NIFK: variants seen among roughly 807,000 people sequenced by gnomAD.
NIFK encodes MKI67 FHA domain-interacting nucleolar phosphoprotein.
Under a neutral mutation model 31.7 loss-of-function variants are expected in NIFK, and 16 were observed. The ratio of observed to expected loss-of-function variants is 0.50; its 90% confidence interval spans 0.34 to 0.77. NIFK has a LOEUF of 0.77. NIFK is among the 30% of genes least tolerant of loss of function. The pLI is 0.01. For synonymous variants in NIFK, 126 were observed against 123.0 expected (o/e 1.02, Z -0.16); for missense variants, 341 against 350.4 (o/e 0.97, Z 0.21).
chr2:121,736,299 T>C (rs2074579688), intron 1 of NIFK, among the ~76,000 whole-genome samples: 1 of 152,252 alleles, frequency 6.6e-6, no homozygotes, highest in Admixed American at 6.5e-5. Flanking sequence ...TCTATTTTAA[T>C]AACTCCCAGA....
At chr2:121,729,589 C>T (rs1012142234) in intron 4 of NIFK, among the ~76,000 whole-genome samples, 9 of 152,122 alleles carry the variant, frequency 5.9e-5, no homozygotes, top group South Asian at 2.1e-4. Flanking sequence ...TTTAGCGATA[C>T]GGTCTTGCTC....
At chr2:121,728,136 T>G in intron 6 of NIFK, 152 bp downstream of exon 6, 1 of 704,130 alleles carries the variant, frequency 1.4e-6, no homozygotes, top group Non-Finnish European at 2.3e-6. Flanking sequence ...TTATAAGGTT[T>G]TAGGCAGAAA....
At chr2:121,732,351 T>C (rs1288812692) in intron 2 of NIFK, 147 bp from the exon 3 acceptor site, 4 of 599,368 alleles carry the variant, frequency 6.7e-6, no homozygotes, top group Non-Finnish European at 1.2e-5. Flanking sequence ...TCAATTCACA[T>C]ATTCCGGGGA....
intron 4 of NIFK, 37 bp from the exon 5 acceptor site, chr2:121,728,573 T>C (rs2074512536): frequency 5.7e-6 from 7 of 1,219,346 alleles, no homozygotes; most frequent in Non-Finnish European, 5.9e-6. Context: ...ACTCATATCT[T>C]TTCTTTCTAA....
chr2:121,727,521 C>T lies in NIFK; in HGVS notation c.*203G>A. The T allele has an allele frequency of 1.4e-6, 1 of 704,854 alleles. No homozygotes were observed. Among genetic ancestry groups the T allele is most frequent in the Non-Finnish European group, 2.6e-6 (1 of 378,184 alleles). The allele number at this position is 704,854 out of a possible 1,614,324, so 43.7% of individuals were successfully genotyped here. On this transcript the variant is annotated 3_prime_UTR_variant, in exon 7 of 7. Coordinates refer to ENST00000285814, the MANE Select transcript of NIFK (RefSeq NM_032390.5). ...GACAAAGAGGCAATGTCAGCCAAGC[C>T]ACTGCAAGATGGTATGCACCCCTGT...
At chr2:121,733,115 A>G (rs2074555665) in intron 2 of NIFK, among the ~76,000 whole-genome samples, 1 of 150,528 alleles carries the variant, frequency 6.6e-6, no homozygotes, top group Non-Finnish European at 1.5e-5. Context: ...GGGGTGGCTC[A>G]TGCCTGTAAT....
chr2:121,734,546 A>G (rs2074566055), intron 2 of NIFK, among the ~76,000 whole-genome samples: 1 of 152,120 alleles, frequency 6.6e-6, no homozygotes, highest in South Asian at 2.1e-4. Context: ...TAATCTCAGC[A>G]CTTTGGGAGG....
At chr2:121,735,836 T>A in intron 1 of NIFK, 86 bp from the exon 2 acceptor site, 2 of 1,108,052 alleles carry the variant, frequency 1.8e-6, no homozygotes, top group African/African-American at 1.6e-5. Flanking sequence ...CCCAAGAACC[T>A]ATTCTGCATT....
intron 6 of NIFK, 133 bp downstream of exon 6, chr2:121,728,155 A>G: frequency 1.4e-6 from 1 of 729,596 alleles, no homozygotes; most frequent in Admixed American, 3.4e-5. Flanking sequence ...AAATTGCTAA[A>G]TCAACAATAA....
At chr2:121,734,934 C>A (rs1420968407) in intron 2 of NIFK, among the ~76,000 whole-genome samples, 2 of 152,160 alleles carry the variant, frequency 1.3e-5, no homozygotes, top group Non-Finnish European at 2.9e-5. Flanking sequence ...TGCACCCTAT[C>A]CCCCACATGC....
At chr2:121,735,831 G>C (rs2074575485) in intron 1 of NIFK, 81 bp from the exon 2 acceptor site, 1 of 1,196,794 alleles carries the variant, frequency 8.4e-7, no homozygotes, top group African/African-American at 1.6e-5. Context: ...CTCGGCCCAA[G>C]AACCTATTCT....
intron 2 of NIFK, 148 bp downstream of exon 2, chr2:121,735,465 G>A (rs2074572235): frequency 2.5e-6 from 2 of 793,296 alleles, no homozygotes; most frequent in Admixed American, 2.6e-5. Context: ...TTTTGCTCCT[G>A]TAGCTGTTTC....
At chr2:121,733,083 A>G (rs1336271640) in intron 2 of NIFK, among the ~76,000 whole-genome samples, 3 of 151,382 alleles carry the variant, frequency 2.0e-5, no homozygotes, top group African/African-American at 7.3e-5. Context: ...CTCCATCTCA[A>G]AAAAGAAAAA....
rs760210456 is a variant in NIFK at position 121,727,728 on chromosome 2, T to C, written c.878A>G (p.Gln293Arg). 5.0e-6 allele frequency: 8 copies of C among 1,593,486 alleles called. No homozygotes were observed. Among genetic ancestry groups the C allele is most frequent in the Admixed American group, 3.7e-5 (2 of 54,436 alleles). Residue 293 changes from glutamine to arginine, a missense_variant, in exon 7 of 7, where the codon CAG (glutamine) becomes CGG (arginine). Coordinates refer to ENST00000285814, the MANE Select transcript of NIFK (RefSeq NM_032390.5). ...SRKKRRRSSN[Q>R] Reference sequence around the variant, plus strand: ...AGAAATATAATACATTGAAAATCACTGATTGCTGCTTCTTCGTCTTTTTTT... The same window carrying C: ...AGAAATATAATACATTGAAAATCACCGATTGCTGCTTCTTCGTCTTTTTTT...
chr2:121,731,258 A>T, intron 3 of NIFK, 154 bp from the exon 4 acceptor site: 1 of 583,916 alleles, frequency 1.7e-6, no homozygotes. Context: ...GTGAATAGAG[A>T]GACAAGACCT....
chr2:121,728,657 T>G (rs2074513074), intron 4 of NIFK, 121 bp from the exon 5 acceptor site: 7 of 612,812 alleles, frequency 1.1e-5, no homozygotes, highest in African/African-American at 1.9e-5. Flanking sequence ...TTTTAAAAAA[T>G]CAAAACTCAT....
intron 2 of NIFK, 86 bp downstream of exon 2, chr2:121,735,527 T>G: frequency 7.3e-7 from 1 of 1,377,406 alleles, no homozygotes; most frequent in South Asian, 1.2e-5. Context: ...TGATAAGCAA[T>G]AATGTATGCG....
chr2:121,735,996 G>A (rs1040715514), intron 1 of NIFK, among the ~76,000 whole-genome samples: 3 of 152,132 alleles, frequency 2.0e-5, no homozygotes, highest in Non-Finnish European at 4.4e-5. Flanking sequence ...TCAATCAACG[G>A]ATAAGCAAGG....
At chr2:121,734,673 AT>A (rs754162406) in intron 2 of NIFK, among the ~76,000 whole-genome samples, 1 of 152,130 alleles carries the variant, frequency 6.6e-6, no homozygotes, top group Non-Finnish European at 1.5e-5. Context: ...GGCGCCTGTA[AT>A]CCCAGCTACT....
Sources: gnomAD v4.1 joint callset for allele counts (sites outside exome capture counted in the v4.1 genomes callset) on GRCh38, gnomAD v4.1.1 for gene constraint, MANE v1.5 for transcripts, NCBI Gene and HGNC (gene_info 2026-07-23, HGNC 2026-07-21) for gene names.